Variants in NIN observed in about 807,000 individuals in gnomAD.
NIN encodes the protein ninein.
A neutral mutation model predicts 257.6 loss-of-function variants in NIN; 137 were observed. The observed-to-expected ratio is 0.53, with a 90% CI of 0.46 to 0.61. The LOEUF (loss-of-function observed/expected upper bound fraction) is 0.61, where lower values mean the gene tolerates loss of function less well. Ranked by LOEUF, NIN falls within the 20% of genes least tolerant of loss-of-function variation. The pLI is 0.00. For synonymous variants in NIN, 918 were observed against 919.8 expected (o/e 1.00, Z 0.04); for missense variants, 2,439 against 2,501.2 (o/e 0.98, Z 0.53).
At chr14:50,820,334 G>C (rs2045145337) in intron 3 of NIN, among the ~76,000 whole-genome samples, 1 of 152,214 alleles carries the variant, frequency 6.6e-6, no homozygotes, top group Non-Finnish European at 1.5e-5. Context: ...CATCTGGAGA[G>C]CAAAGCATTG....
intron 3 of NIN, among the ~76,000 whole-genome samples, chr14:50,811,544 CTTTTTTTTTTTTTT>C (rs55734117): frequency 1.3e-5 from 1 of 75,276 alleles, no homozygotes; most frequent in Non-Finnish European, 2.4e-5. Context: ...AATGGTCAAG[CTTTTTTTTTTTTTT>C]TTTTTTTTTT....
Position 50,735,393 on chromosome 14 carries a change from C to T in NIN, c.5877+123G>A, listed in dbSNP as rs535325614. On this transcript the variant is annotated intron_variant, in intron 28 of 30. Transcript: ENST00000530997. ...TGGTAAGGCGGACCAAAGAATTCAA[C>T]TTGGCAGTGTACTTAGATTTTCACA... The T allele has an allele frequency of 2.2e-6, 3 of 1,360,518 alleles. No individual in the cohort carries two copies. In the African/African-American group the frequency reaches 4.4e-5, roughly 20 times the overall value. The allele number at this position is 1,360,518 out of a possible 1,614,324, so 84.3% of individuals were successfully genotyped here. A position where few individuals can be genotyped will look rare whatever the true frequency, so the allele number is the denominator to read the frequency against.
chr14:50,792,027 A>G (rs2043618716), intron 5 of NIN: 1 of 152,230 alleles, frequency 6.6e-6, no homozygotes, highest in Non-Finnish European at 1.5e-5. Flanking sequence ...AATGAGCCAT[A>G]AAGAAAGAAT....
rs190120837 is a variant in NIN at position 50,727,054 on chromosome 14, T to C, written c.6079-988A>G. On this transcript the variant is annotated intron_variant, in intron 29 of 30. Transcript: ENST00000530997. ...GAAGTAAGTTACAAAAAATTGGGCCTGGAGGACATCTAGCTTTTAAAAAGG... is the reference window on the plus strand; with the variant it reads ...GAAGTAAGTTACAAAAAATTGGGCCCGGAGGACATCTAGCTTTTAAAAAGG... Among the ~76,000 whole-genome samples, 582 of 152,134 alleles carry C rather than the reference T, an allele frequency of 3.8e-3. 1 individual carries two copies. The highest frequency in any genetic ancestry group is 0.014 in the African/African-American group (561 of 41,488).
chr14:50,722,775 A>T lies in NIN; in HGVS notation c.*688T>A, dbSNP rs2040295447. 3 of 211,922 alleles carry T rather than the reference A, an allele frequency of 1.4e-5. No individual in the cohort carries two copies. In the East Asian group the frequency reaches 2.1e-4, roughly 15 times the overall value. 13.1% of individuals were successfully genotyped at this position (211,922 alleles called of 1,614,324 possible). ...CCCAAATGAAACTTTTAAGAGAAAGAAGAAAAGGCTGTTTAAAGCAAGTAA... is the reference window on the plus strand; with the variant it reads ...CCCAAATGAAACTTTTAAGAGAAAGTAGAAAAGGCTGTTTAAAGCAAGTAA... On this transcript the variant is annotated 3_prime_UTR_variant, in exon 31 of 31. Coordinates refer to ENST00000530997, the MANE Select transcript of NIN (RefSeq NM_020921.4).
intron 15 of NIN, among the ~76,000 whole-genome samples, chr14:50,763,347 TTC>T (rs1351925251): frequency 6.6e-6 from 1 of 152,240 alleles, no homozygotes; most frequent in African/African-American, 2.4e-5. Flanking sequence ...CTTATTTATC[TTC>T]TTTGTTCTGC....
intron 4 of NIN, among the ~76,000 whole-genome samples, chr14:50,795,869 C>G (rs1398320635): frequency 6.6e-6 from 1 of 152,122 alleles, no homozygotes; most frequent in African/African-American, 2.4e-5. Context: ...GTCCCAGAAA[C>G]TTGGGAGGCT....
intron 9 of NIN, chr14:50,772,010 CAAAA>C (rs11347875): frequency 1.3e-5 from 3 of 225,982 alleles, no homozygotes; most frequent in African/African-American, 2.3e-5. Context: ...CAACAAAAAA[CAAAA>C]AAAAAACACA....
Position 50,721,758 on chromosome 14 carries a change from A to G in NIN, c.*1705T>C, listed in dbSNP as rs1007413219. The G allele has an allele frequency of 1.3e-5, 3 of 222,274 alleles. No homozygotes were observed. The highest frequency in any genetic ancestry group is 2.7e-5 in the Non-Finnish European group (3 of 111,166). The allele number at this position is 222,274 out of a possible 1,614,324, so 13.8% of individuals were successfully genotyped here. On this transcript the variant is annotated 3_prime_UTR_variant, in exon 31 of 31. Transcript: ENST00000530997. ...TGACAAGAGCTGTGCAAAAATTCAA[A>G]GGTTTGCTTCATCAGTGTGAACTCC...
chr14:50,828,491 C>A (rs1438875442), intron 2 of NIN, among the ~76,000 whole-genome samples: 1 of 152,100 alleles, frequency 6.6e-6, no homozygotes, highest in Non-Finnish European at 1.5e-5. Context: ...AAGCCCCTGC[C>A]CAACAGATGC....
rs2041936210 is a variant in NIN, at chr14:50,754,493, T to G, written c.4734+70A>C. The G allele has an allele frequency of 3.9e-6, 5 of 1,268,540 alleles. No individual in the cohort carries two copies. In the South Asian group the frequency reaches 6.5e-5, roughly 16 times the overall value. 78.6% of individuals were successfully genotyped at this position (1,268,540 alleles called of 1,614,324 possible). Reference sequence around the variant, plus strand: ...GCTATTCATTACCGTGTGCTGTAAATTTATAAATTTCAAAAAATGGGAAAA... The same window carrying G: ...GCTATTCATTACCGTGTGCTGTAAAGTTATAAATTTCAAAAAATGGGAAAA... On this transcript the variant is annotated intron_variant, in intron 20 of 30. Coordinates refer to ENST00000530997, the MANE Select transcript of NIN (RefSeq NM_020921.4).
chr14:50,729,270 A>C (rs1214519739), intron 29 of NIN, among the ~76,000 whole-genome samples: 3 of 82,358 alleles, frequency 3.6e-5, no homozygotes, highest in Admixed American at 3.2e-4. Context: ...TTTTTTTTTT[A>C]ATTTAAGAGA....
At chr14:50,739,523 A>G (rs1455841833) in intron 25 of NIN, 36 bp from the exon 26 acceptor site, 1 of 1,598,026 alleles carries the variant, frequency 6.3e-7, no homozygotes, top group South Asian at 1.1e-5. Context: ...CTTAAAAACA[A>G]GCTATTGGGT....
intron 5 of NIN, among the ~76,000 whole-genome samples, chr14:50,788,763 T>C (rs2141989080): frequency 6.6e-6 from 1 of 152,192 alleles, no homozygotes; most frequent in Admixed American, 6.5e-5. Flanking sequence ...TTTATAGGAG[T>C]TGTGACACTG....
chr14:50,798,242 G>C (rs533923522), intron 4 of NIN, among the ~76,000 whole-genome samples: 1 of 152,136 alleles, frequency 6.6e-6, no homozygotes, highest in Non-Finnish European at 1.5e-5. Flanking sequence ...GTTTAATTAG[G>C]TCTTTCAGTT....
chr14:50,820,765 C>T (rs1025927545), intron 3 of NIN, among the ~76,000 whole-genome samples: 2 of 152,130 alleles, frequency 1.3e-5, no homozygotes, highest in Non-Finnish European at 2.9e-5. Context: ...ATATTTTTTT[C>T]AAGTGTGAGT....
At chr14:50,802,310 G>A (rs1320801230) in intron 4 of NIN, among the ~76,000 whole-genome samples, 2 of 151,856 alleles carry the variant, frequency 1.3e-5, no homozygotes, top group Non-Finnish European at 2.9e-5. Context: ...GCTTTTTAGG[G>A]GAAAAACGCT....
rs139913600 is a variant in NIN at position 50,757,681 on chromosome 14, C to A, written c.3349G>T (p.Gly1117Ter). The change falls in exon 18 of 31, where the codon GGA becomes TGA. Residue 1117 changes from glycine to a stop codon, truncating the protein, a stop_gained. Coordinates refer to ENST00000530997, the MANE Select transcript of NIN (RefSeq NM_020921.4). LOFTEE classifies it high-confidence loss of function. ...CLDEPATEFF[G>*]NTAEQTEQFL... Reference sequence around the variant, plus strand: ...TGCTCTGTTTGTTCCGCAGTATTTCCAAAAAACTCAGTAGCTGGCTCATCC... The same window carrying A: ...TGCTCTGTTTGTTCCGCAGTATTTCAAAAAAACTCAGTAGCTGGCTCATCC... 6.2e-7 allele frequency: 1 copy of A among 1,613,946 alleles called. No homozygotes were observed. The highest frequency in any genetic ancestry group is 8.5e-7 in the Non-Finnish European group (1 of 1,180,014).
At chr14:50,775,317 C>T (rs369896969) in intron 7 of NIN, among the ~76,000 whole-genome samples, 7 of 152,226 alleles carry the variant, frequency 4.6e-5, no homozygotes, top group African/African-American at 1.7e-4. Context: ...TCTGCCCTGT[C>T]ATTGTTCTTG....
Sources: allele counts gnomAD v4.1 joint callset (sites outside exome capture counted in the v4.1 genomes callset), GRCh38; gene constraint gnomAD v4.1.1; transcripts MANE v1.5; gene names NCBI Gene and HGNC (gene_info 2026-07-23, HGNC 2026-07-21).